The following EIF4E3 variants were observed in gnomAD, a reference collection of about 807,000 sequenced individuals.
EIF4E3 encodes the protein eukaryotic translation initiation factor 4E type 3.
Under a neutral mutation model 31.7 loss-of-function variants are expected in EIF4E3, and 26 were observed. The ratio of observed to expected loss-of-function variants is 0.82; its 90% CI spans 0.60 to 1.14. The LOEUF (loss-of-function observed/expected upper bound fraction) is 1.14. Ranked by LOEUF, EIF4E3 falls within the 50% of genes most tolerant of loss-of-function variation. The pLI is 0.00. For missense variants in EIF4E3, 304 were observed against 270.9 expected (o/e 1.12, Z -0.86); for synonymous variants, 128 against 107.7 (o/e 1.19, Z -1.17).
chr3:71,708,171 GC>G (rs1263597825), intron 2 of EIF4E3, among the ~76,000 whole-genome samples: 1 of 152,118 alleles, frequency 6.6e-6, no homozygotes, highest in Non-Finnish European at 1.5e-5. Context: ...ACCATGCTCG[GC>G]CTCATTCATT....
intron 1 of EIF4E3, among the ~76,000 whole-genome samples, chr3:71,736,832 G>T (rs549378058): frequency 6.6e-6 from 1 of 152,152 alleles, no homozygotes; most frequent in Non-Finnish European, 1.5e-5. Flanking sequence ...GTCAATATAG[G>T]CTCCTTGATT....
chr3:71,672,139 T>G (rs2048850155), downstream of EIF4E3, among the ~76,000 whole-genome samples: 1 of 152,160 alleles, frequency 6.6e-6, no homozygotes, highest in African/African-American at 2.4e-5. Context: ...ATAAATTCCC[T>G]GGACTTGGGG....
At chr3:71,718,836 C>A (rs1047335520) in intron 1 of EIF4E3, among the ~76,000 whole-genome samples, 1 of 152,148 alleles carries the variant, frequency 6.6e-6, no homozygotes, top group Non-Finnish European at 1.5e-5. Context: ...CTCAGAGGAC[C>A]TTTACCCCTC....
chr3:71,684,554 G>T lies in EIF4E3; in HGVS notation c.*128C>A. On this transcript the variant is annotated 3_prime_UTR_variant, in exon 7 of 7. Coordinates refer to ENST00000425534, the MANE Select transcript of EIF4E3 (RefSeq NM_001134651.2). ...CACTTTGAGTCCTAATTGCCCATCT[G>T]CAAGGACAGAAACCCACTCTAAATT... is the stretch of plus-strand genomic sequence containing the variant. 1 of 1,066,392 alleles carries T rather than the reference G, an allele frequency of 9.4e-7. No homozygotes were observed. The highest frequency in any genetic ancestry group is 1.4e-6 in the Non-Finnish European group (1 of 736,188). 66.1% of individuals were successfully genotyped at this position (1,066,392 alleles called of 1,614,324 possible).
intron 1 of EIF4E3, among the ~76,000 whole-genome samples, chr3:71,750,061 C>T (rs1049159334): frequency 2.6e-5 from 4 of 152,166 alleles, no homozygotes; most frequent in African/African-American, 9.7e-5. Context: ...TAAACCAAAT[C>T]TCAAGAGCAG....
intron 1 of EIF4E3, among the ~76,000 whole-genome samples, chr3:71,752,560 AC>A (rs975721227): frequency 1.4e-3 from 213 of 151,868 alleles, no homozygotes; most frequent in African/African-American, 4.1e-3. Context: ...AGAAGAAAAA[AC>A]AAATGAGTGT....
intron 1 of EIF4E3, among the ~76,000 whole-genome samples, chr3:71,724,705 GC>G (rs1044436093): frequency 6.0e-4 from 92 of 152,340 alleles, no homozygotes; most frequent in African/African-American, 2.2e-3. Flanking sequence ...CGGGGTGGGA[GC>G]GCCCGCCGTG....
chr3:71,696,523 G>A lies in EIF4E3; in HGVS notation c.345-3C>T, dbSNP rs2049139271. On this transcript the variant is annotated splice_polypyrimidine_tract_variant and splice_region_variant and intron_variant, in intron 3 of 6. Transcript: ENST00000425534. ...CCTTTGCATTACTCTCCTCTTCCCTGGGCCAAAGACCAACGTTTAAAGTTA... is the reference window on the plus strand; with the variant it reads ...CCTTTGCATTACTCTCCTCTTCCCTAGGCCAAAGACCAACGTTTAAAGTTA... The A allele has an allele frequency of 1.2e-6, 2 of 1,613,934 alleles. No homozygotes were observed. The highest frequency in any genetic ancestry group is 1.7e-6 in the Non-Finnish European group (2 of 1,179,976).
intron 2 of EIF4E3, among the ~76,000 whole-genome samples, chr3:71,701,957 G>A (rs1042798358): frequency 6.6e-6 from 1 of 152,096 alleles, no homozygotes; most frequent in Admixed American, 6.5e-5. Flanking sequence ...TAAATGCTTT[G>A]CTATTTGTAC....
intron 5 of EIF4E3, among the ~76,000 whole-genome samples, 190 bp from the exon 6 acceptor site, chr3:71,690,355 C>G (rs145074839): frequency 1.5e-4 from 23 of 152,336 alleles, no homozygotes; most frequent in South Asian, 4.1e-4. Flanking sequence ...TGCACAAAAG[C>G]TGTAGCAGTC....
intron 1 of EIF4E3, among the ~76,000 whole-genome samples, chr3:71,750,632 T>C (rs936675244): frequency 2.6e-5 from 4 of 152,140 alleles, no homozygotes; most frequent in African/African-American, 7.2e-5. Flanking sequence ...AAACACAGAG[T>C]TCCTCAGCTG....
upstream of EIF4E3, chr3:71,753,665 GGCGGCAGCGGCGGCA>G (rs1445157834): frequency 3.6e-4 from 52 of 142,712 alleles, no homozygotes; most frequent in East Asian, 1.6e-3. Context: ...CGGCGGCGGC[GGCGGCAGCGGCGGCA>G]GCGGCGGCGG....
At chr3:71,665,483 G>C in the EIF4E3 span, among the ~76,000 whole-genome samples, 2 of 152,106 alleles carry the variant, frequency 1.3e-5, no homozygotes, top group African/African-American at 4.8e-5. Context: ...AACTATTAAA[G>C]AGAGATACTT....
chr3:71,688,290 C>G (rs1055280003), intron 6 of EIF4E3, among the ~76,000 whole-genome samples: 3 of 152,096 alleles, frequency 2.0e-5, no homozygotes, highest in African/African-American at 7.2e-5. Context: ...TGCCATGGCC[C>G]TAAAAACTAG....
At chr3:71,721,373 G>T (rs906978886) in intron 1 of EIF4E3, among the ~76,000 whole-genome samples, 8 of 152,192 alleles carry the variant, frequency 5.3e-5, no homozygotes, top group Admixed American at 4.6e-4. Flanking sequence ...TAATGCTATG[G>T]AGAAAATAAA....
intron 1 of EIF4E3, among the ~76,000 whole-genome samples, chr3:71,721,349 C>T (rs1307163980): frequency 6.6e-6 from 1 of 152,178 alleles, no homozygotes; most frequent in Non-Finnish European, 1.5e-5. Context: ...TGGGAGAAGA[C>T]AAGCCAATGG....
chr3:71,674,646 T>C (rs2048863346), downstream of EIF4E3, among the ~76,000 whole-genome samples: 1 of 152,146 alleles, frequency 6.6e-6, no homozygotes, highest in African/African-American at 2.4e-5. Context: ...CTGTTTGTTG[T>C]AGGACCTCAA....
the EIF4E3 span, among the ~76,000 whole-genome samples, chr3:71,669,858 C>T: frequency 4.6e-5 from 7 of 152,210 alleles, no homozygotes; most frequent in Non-Finnish European, 8.8e-5. Context: ...TAGAATTTGA[C>T]ACATACTTTC....
At chr3:71,732,943 C>A (rs977265202) in intron 1 of EIF4E3, among the ~76,000 whole-genome samples, 1 of 152,198 alleles carries the variant, frequency 6.6e-6, no homozygotes, top group African/African-American at 2.4e-5. Context: ...AAATCAGGAA[C>A]ATTTGGTGAG....
Sources: allele counts gnomAD v4.1 joint callset (sites outside exome capture counted in the v4.1 genomes callset), GRCh38; gene constraint gnomAD v4.1.1; transcripts MANE v1.5; gene names NCBI Gene and HGNC (gene_info 2026-07-23, HGNC 2026-07-21).